Variants in TRIM9 observed in about 807,000 individuals in gnomAD.
The protein encoded by TRIM9 is E3 ubiquitin-protein ligase TRIM9.
A neutral mutation model predicts 78.3 loss-of-function variants in TRIM9; 26 were observed. That is an observed-to-expected ratio of 0.33 (90% confidence interval 0.24 to 0.46). The LOEUF (loss-of-function observed/expected upper bound fraction) is 0.46, where lower values mean the gene tolerates loss of function less well. Among genes scored for constraint, TRIM9 ranks in the 20% least tolerant of loss-of-function variants. TRIM9 has a pLI of 1.00. For synonymous variants in TRIM9, 398 were observed against 416.5 expected, an observed-to-expected ratio of 0.96 and a Z score of 0.54; for missense variants, 787 against 1,036.4, an observed-to-expected ratio of 0.76 and a Z score of 3.30.
intron 6 of TRIM9, among the ~76,000 whole-genome samples, chr14:51,000,108 A>C (rs2054764558): frequency 6.6e-6 from 1 of 152,222 alleles, no homozygotes; most frequent in South Asian, 2.1e-4. Context: ...AGAATAGGGA[A>C]GCTATAACAG....
intron 1 of TRIM9, among the ~76,000 whole-genome samples, chr14:51,075,942 A>G (rs1312635971): frequency 2.6e-5 from 4 of 152,184 alleles, no homozygotes; most frequent in African/African-American, 9.7e-5. Context: ...CATTAAATAC[A>G]CTTCTATTTA....
At chr14:51,091,832 GAT>G (rs1324874211) in intron 1 of TRIM9, among the ~76,000 whole-genome samples, 1 of 152,116 alleles carries the variant, frequency 6.6e-6, no homozygotes, top group Admixed American at 6.5e-5. Flanking sequence ...GTGGCAGGTA[GAT>G]ATCTAAATCT....
At chr14:51,002,811 A>C (rs2055256482) in intron 5 of TRIM9, among the ~76,000 whole-genome samples, 2 of 152,260 alleles carry the variant, frequency 1.3e-5, no homozygotes, top group Non-Finnish European at 2.9e-5. Context: ...AGACATTACA[A>C]TAAAACCATG....
chr14:51,081,033 A>G (rs1392542712), intron 1 of TRIM9, among the ~76,000 whole-genome samples: 1 of 152,214 alleles, frequency 6.6e-6, no homozygotes. Context: ...CCTCCCACGC[A>G]GGTCTGTGTC....
chr14:51,044,022 G>T (rs1338065678), intron 1 of TRIM9, among the ~76,000 whole-genome samples: 3 of 152,126 alleles, frequency 2.0e-5, no homozygotes, highest in Non-Finnish European at 2.9e-5. Flanking sequence ...GGTCTAAATT[G>T]AATCAGGTTA....
intron 1 of TRIM9, among the ~76,000 whole-genome samples, chr14:51,049,449 C>A (rs1596266102): frequency 6.6e-6 from 1 of 152,300 alleles, no homozygotes; most frequent in East Asian, 1.9e-4. Context: ...CAGCACAACT[C>A]AGGAATGACC....
intron 1 of TRIM9, among the ~76,000 whole-genome samples, chr14:51,046,925 A>G (rs1294077272): frequency 6.6e-6 from 1 of 152,230 alleles, no homozygotes; most frequent in African/African-American, 2.4e-5. Flanking sequence ...TGAACATTAT[A>G]AAGTTTGAAA....
At chr14:51,056,361 T>C (rs904476670) in intron 1 of TRIM9, among the ~76,000 whole-genome samples, 2 of 152,214 alleles carry the variant, frequency 1.3e-5, no homozygotes, top group Non-Finnish European at 2.9e-5. Flanking sequence ...AGTAAGTCTA[T>C]ACAAACATAT....
intron 3 of TRIM9, among the ~76,000 whole-genome samples, chr14:51,015,669 C>G (rs1261273140): frequency 6.6e-6 from 1 of 151,466 alleles, no homozygotes; most frequent in African/African-American, 2.4e-5. Flanking sequence ...ACATGCTACC[C>G]CACCTGGCTA....
At chr14:51,072,003 A>T (rs1373783662) in intron 1 of TRIM9, among the ~76,000 whole-genome samples, 1 of 152,072 alleles carries the variant, frequency 6.6e-6, no homozygotes, top group Non-Finnish European at 1.5e-5. Context: ...AGCACAAGGG[A>T]AGTAGAAGGC....
chr14:51,085,686 G>T (rs986865120), intron 1 of TRIM9, among the ~76,000 whole-genome samples: 2 of 152,144 alleles, frequency 1.3e-5, no homozygotes, highest in African/African-American at 4.8e-5. Flanking sequence ...TAGAAATAAA[G>T]ATACTTAAAA....
rs759120947 is a variant in TRIM9, at chr14:51,009,131, T to C, written c.1255A>G (p.Asn419Asp). ...TGGATGGATTGCAGCAGAGGGCTGT[T>C]GTCCAGACTCAAGTCAAAGTCCGTG... ...MTTDFDLSLD[N>D]SPLLQSIHQL... The change falls in exon 5 of 13, where the codon AAC (asparagine) becomes GAC (aspartate). Residue 419 changes from asparagine (N) to aspartate (D), a missense_variant. Physicochemically the swap from Asn to Asp is conservative, Grantham distance 23. Transcript: ENST00000684578. 1 of 1,614,118 alleles carries C rather than the reference T, an allele frequency of 6.2e-7. No homozygotes were observed. Among genetic ancestry groups the C allele is most frequent in the Non-Finnish European group, 8.5e-7 (1 of 1,179,964 alleles).
In TRIM9 at chr14:51,006,253, C is replaced by T. The variant is rs368566267; in HGVS notation, c.1306+2827G>A. Among the ~76,000 whole-genome samples the T allele has an allele frequency of 2.4e-3, 358 of 152,234 alleles. 16 individuals are homozygous for T. The South Asian group carries it at 0.065, about 28-fold the overall frequency. On this transcript the variant is annotated intron_variant, in intron 5 of 12. Transcript: ENST00000684578. ...CATGTATTGTTAGTTTCACAATGGA[C>T]GGATTACTTTAATACCACTCCAAAT... is the stretch of plus-strand genomic sequence containing the variant.
chr14:51,047,075 T>G (rs1447003528), intron 1 of TRIM9, among the ~76,000 whole-genome samples: 2 of 152,120 alleles, frequency 1.3e-5, no homozygotes, highest in Non-Finnish European at 2.9e-5. Context: ...ATCTGCATAG[T>G]GTGTTGTTTC....
chr14:51,025,651 C>T (rs2058148899), intron 1 of TRIM9, among the ~76,000 whole-genome samples: 1 of 152,176 alleles, frequency 6.6e-6, no homozygotes, highest in African/African-American at 2.4e-5. Context: ...ATTAAACAAT[C>T]ATTTATTGAA....
At chr14:50,997,943 G>A in intron 7 of TRIM9, 107 bp downstream of exon 7, 1 of 1,544,610 alleles carries the variant, frequency 6.5e-7, no homozygotes, top group Non-Finnish European at 8.7e-7. Context: ...AGCAAGTCAT[G>A]GAAACACTTC....
Position 50,992,372 on chromosome 14 carries a change from G to A in TRIM9, c.1603+5678C>T, listed in dbSNP as rs143621301. Among the ~76,000 whole-genome samples the A allele has an allele frequency of 6.9e-3, 1,044 of 151,844 alleles. 12 individuals are homozygous for A. Among genetic ancestry groups the A allele is most frequent in the African/African-American group, 0.024 (982 of 41,398 alleles). The stretch of plus-strand genomic sequence containing the variant: ...GCATGAGGATCGCTTGAGGCCGGGA[G>A]TTTGAGACCGGGCTGGGCAACATAG... On this transcript the variant is annotated intron_variant, in intron 7 of 12. Coordinates refer to ENST00000684578, the MANE Select transcript of TRIM9 (RefSeq NM_001387360.1).
Position 51,015,505 on chromosome 14 carries a change from C to CTT in TRIM9, c.1042-5013_1042-5012dup, listed in dbSNP as rs369652663. The stretch of plus-strand genomic sequence containing the variant: ...AATGCTTTTTTCTTTCTTTACTTTT[C>CTT]TTTTTTTTTTTTTTTTTTTTTTTTT... On this transcript the variant is annotated intron_variant, in intron 3 of 12. Transcript: ENST00000684578. Among the ~76,000 whole-genome samples, 169 of 61,298 alleles carry CTT rather than the reference C, an allele frequency of 2.8e-3. 25 individuals carry two copies. The highest frequency in any genetic ancestry group is 8.7e-3 in the African/African-American group (128 of 14,648). The allele number at this position is 61,298 out of a possible 152,430, so 40.2% of individuals were successfully genotyped here. A position where few individuals can be genotyped will look rare whatever the true frequency, so the allele number is the denominator to read the frequency against.
In TRIM9 at chr14:51,040,297, C is replaced by G. The variant is rs80006885; in HGVS notation, c.823-14937G>C. Among the ~76,000 whole-genome samples the G allele has an allele frequency of 2.6e-5, 4 of 152,102 alleles. No homozygotes were observed. The East Asian group carries it at 7.7e-4, about 29-fold the overall frequency. On this transcript the variant is annotated intron_variant, in intron 1 of 12. Transcript: ENST00000684578. ...TTTTCTTTAATATTTGATGCTGGTG[C>G]CCCTCACTCAGAGGCTGTTACTGCA...
Sources: gnomAD v4.1 joint callset for allele counts (sites outside exome capture counted in the v4.1 genomes callset) on GRCh38, gnomAD v4.1.1 for gene constraint, MANE v1.5 for transcripts, NCBI Gene and HGNC (gene_info 2026-07-23, HGNC 2026-07-21) for gene names.